OR13C3: variants seen among roughly 807,000 people sequenced by gnomAD.
OR13C3 encodes the protein olfactory receptor family 13 subfamily C member 3.
OR13C3 carries 19 observed loss-of-function variants against 14.4 expected under a neutral mutation model. The ratio of observed to expected loss-of-function variants is 1.31; its 90% CI spans 0.92 to 1.93. OR13C3 has a LOEUF of 1.93. Ranked by LOEUF, OR13C3 falls within the 30% of genes most tolerant of loss-of-function variation. OR13C3 has a pLI of 0.00. For missense variants in OR13C3, 394 were observed against 381.4 expected, an observed-to-expected ratio of 1.03 and a Z score of -0.27; for synonymous variants, 140 against 142.5, an observed-to-expected ratio of 0.98 and a Z score of 0.12.
chr9:104,536,703 T>C, exon 1 of OR13C3: 1 of 1,613,962 alleles, frequency 6.2e-7, no homozygotes, highest in Non-Finnish European at 8.5e-7. Flanking sequence ...CTGACACAAG[T>C]GTCTGGTTAA....
exon 1 of OR13C3, chr9:104,535,779 T>C (rs764396360): frequency 5.0e-6 from 8 of 1,603,260 alleles, no homozygotes; most frequent in Non-Finnish European, 6.8e-6. Flanking sequence ...ATTAGTGAAT[T>C]GGTTTTTTGT....
exon 1 of OR13C3, chr9:104,536,803 T>C (rs1225120761): frequency 1.9e-6 from 3 of 1,608,294 alleles, no homozygotes; most frequent in East Asian, 2.2e-5. Context: ...ACAAATTAAC[T>C]GAACAATCAT....
chr9:104,535,863 C>G, exon 1 of OR13C3: 2 of 1,612,542 alleles, frequency 1.2e-6, no homozygotes, highest in South Asian at 2.2e-5. Context: ...GCATGGGTGT[C>G]ACTACCCCAT....
At chr9:104,536,431 G>A (rs1828818137) in exon 1 of OR13C3, 1 of 1,614,030 alleles carries the variant, frequency 6.2e-7, no homozygotes, top group African/African-American at 1.3e-5. Flanking sequence ...CATCTGCACT[G>A]CACATCCAGA....
exon 1 of OR13C3, chr9:104,536,274 C>T (rs1438658427): frequency 6.2e-7 from 1 of 1,614,110 alleles, no homozygotes; most frequent in South Asian, 1.1e-5. Context: ...TTCCACCGGA[C>T]AGCCAGGACA....
exon 1 of OR13C3, chr9:104,536,203 A>G: frequency 6.2e-7 from 1 of 1,614,122 alleles, no homozygotes; most frequent in Non-Finnish European, 8.5e-7. Flanking sequence ...GAAATGATTG[A>G]TAATATTATT....
At chr9:104,536,564 G>T in exon 1 of OR13C3, 1 of 1,614,128 alleles carries the variant, frequency 6.2e-7, no homozygotes. Context: ...GTGTGAAAAT[G>T]AGAATCAAAG....
Position 104,536,477 on chromosome 9 carries a change from C to T in OR13C3, c.247G>A (p.Val83Met), listed in dbSNP as rs144512728. The change falls in exon 1 of 1, where the codon GTG becomes ATG. Residue 83 changes from valine to methionine, a missense_variant. By Grantham distance (21) the Val-to-Met change is conservative. Coordinates refer to ENST00000641090, the Ensembl canonical transcript of OR13C3. ...TTTCTTTTCTTTGAGATTAAGCTCA[C>T]CAATGTTGAGGGAACAGAGGAGGAT... 4.3e-5 allele frequency: 70 copies of T among 1,613,978 alleles called. No homozygotes were observed. Among genetic ancestry groups the T allele is most frequent in the Non-Finnish European group, 5.6e-5 (66 of 1,180,024 alleles).
At chr9:104,536,282 A>T in exon 1 of OR13C3, 1 of 1,614,140 alleles carries the variant, frequency 6.2e-7, no homozygotes, top group Non-Finnish European at 8.5e-7. Context: ...GACAGCCAGG[A>T]CACAGAAGCC....
exon 1 of OR13C3, chr9:104,535,872 A>G: frequency 1.9e-6 from 3 of 1,613,498 alleles, no homozygotes; most frequent in Non-Finnish European, 2.5e-6. Context: ...TCACTACCCC[A>G]TAAAACAGAG....
exon 1 of OR13C3, chr9:104,536,123 T>A: frequency 6.2e-7 from 1 of 1,613,792 alleles, no homozygotes; most frequent in South Asian, 1.1e-5. Context: ...ATATTTGATA[T>A]CACCATGGTG....
At position 104,536,760 on chromosome 9, in the gene OR13C3, A is replaced by T; in HGVS notation, c.-37T>A. The T allele has an allele frequency of 6.2e-7, 1 of 1,613,810 alleles. No individual in the cohort carries two copies. Among genetic ancestry groups the T allele is most frequent in the Non-Finnish European group, 8.5e-7 (1 of 1,179,806 alleles). Reference sequence around the variant, plus strand: ...TCAGGAAATCAAAAGAAGATCTAACATGAAATGTATTTACTGCCAAGAAAC... The same window carrying T: ...TCAGGAAATCAAAAGAAGATCTAACTTGAAATGTATTTACTGCCAAGAAAC... On this transcript the variant is annotated 5_prime_UTR_variant, in exon 1 of 1. It removes an upstream start codon present in the reference 5' UTR. Coordinates refer to ENST00000641090, the Ensembl canonical transcript of OR13C3.
rs1297925948 is a variant in OR13C3 at position 104,535,818 on chromosome 9, A to C, written c.906T>G (p.Asp302Glu). The C allele has an allele frequency of 4.3e-6, 7 of 1,613,162 alleles. No individual in the cohort carries two copies. In the African/African-American group the frequency reaches 8.0e-5, roughly 18 times the overall value. Residue 302 changes from aspartate (D) to glutamate (E), a missense_variant, in exon 1 of 1, where the codon GAT (aspartate) becomes GAG (glutamate). Physicochemically the swap from Asp to Glu is conservative, Grantham distance 45. Coordinates refer to ENST00000641090, the Ensembl canonical transcript of OR13C3. ...GCAAATATTTTACAGCAGCTTTTAC[A>C]TCCTTATTTCTCAAGCTATAGAGTA...
At position 104,536,536 on chromosome 9, in the gene OR13C3, AGGAAGAAGTACATT is replaced by A. The variant is rs1828819839; in HGVS notation, c.174_187del (p.Met59GlyfsTer58). 4 of 1,614,088 alleles carry A rather than the reference AGGAAGAAGTACATT, an allele frequency of 2.5e-6. No individual in the cohort carries two copies. Among genetic ancestry groups the A allele is most frequent in the Non-Finnish European group, 3.4e-6 (4 of 1,180,040 alleles). ...GATATCCAGGAAAGAGAGGTTGCCC[AGGAAGAAGTACATT>A]GGTGTGTGAAAATGAGAATCAAAGA... is the stretch of plus-strand genomic sequence containing the variant. On this transcript the variant is annotated frameshift_variant, in exon 1 of 1. Transcript: ENST00000641090. LOFTEE classifies it high-confidence loss of function.
In OR13C3 at chr9:104,536,825, A is replaced by C; in HGVS notation, c.-102T>G. On this transcript the variant is annotated 5_prime_UTR_variant, in exon 1 of 1. It removes an upstream start codon present in the reference 5' UTR. Transcript: ENST00000641090. ...AACTGAACAATCATTCTTTTGACAC[A>C]TATTAGAAGGAGTGCTTGCTTGAAG... The C allele has an allele frequency of 6.3e-7, 1 of 1,587,718 alleles. No homozygotes were observed. Among genetic ancestry groups the C allele is most frequent in the Non-Finnish European group, 8.6e-7 (1 of 1,160,494 alleles).
chr9:104,535,819 T>C (rs1339161834), exon 1 of OR13C3: 1 of 1,613,166 alleles, frequency 6.2e-7, no homozygotes, highest in African/African-American at 1.3e-5. Context: ...AGCTTTTACA[T>C]CCTTATTTCT....
chr9:104,536,271 G>A (rs779802213), exon 1 of OR13C3: 37 of 1,613,866 alleles, frequency 2.3e-5, no homozygotes, highest in Middle Eastern at 1.6e-4. Flanking sequence ...TTATTCCACC[G>A]GACAGCCAGG....
chr9:104,536,084 T>C (rs1420814709), exon 1 of OR13C3: 3 of 1,613,870 alleles, frequency 1.9e-6, no homozygotes, highest in Non-Finnish European at 1.7e-6. Context: ...GAGAAAAAAA[T>C]GACCATCAGT....
chr9:104,536,005 G>A (rs145157195), exon 1 of OR13C3: 30 of 1,613,768 alleles, frequency 1.9e-5, no homozygotes, highest in African/African-American at 6.7e-5. Context: ...AGCTGAGCAC[G>A]TGGAAAATGC....
Sources: allele counts gnomAD v4.1 joint callset, GRCh38; gene constraint gnomAD v4.1.1; transcripts MANE v1.5; gene names NCBI Gene and HGNC (gene_info 2026-07-23, HGNC 2026-07-21).